NEK6: variants seen among roughly 807,000 people sequenced by gnomAD.
NEK6 encodes the protein NIMA related kinase 6, also known as serine/threonine-protein kinase Nek6.
In NEK6, 27 loss-of-function variants were observed where a neutral mutation model predicts 43.5. That is an observed-to-expected ratio of 0.62 (90% CI 0.46 to 0.86). NEK6 has a LOEUF of 0.86. Ranked by LOEUF, NEK6 falls within the 40% of genes least tolerant of loss-of-function variation. The pLI is 0.00. For synonymous variants in NEK6, 167 were observed against 164.1 expected (o/e 1.02, Z -0.14); for missense variants, 318 against 414.4 (o/e 0.77, Z 2.02).
rs776507491 is a variant in NEK6 at position 124,350,864 on chromosome 9, T to C, written c.859T>C (p.Cys287Arg). The C allele has an allele frequency of 1.9e-6, 3 of 1,612,868 alleles. No individual in the cohort carries two copies. Among genetic ancestry groups the C allele is most frequent in the South Asian group, 1.1e-5 (1 of 91,082 alleles). Reference protein sequence around the residue: ...KLRELVSMCICPDPHQRPDIG... With the variant: ...KLRELVSMCIRPDPHQRPDIG... ...ACGAGAACTGGTCAGCATGTGCATC[T>C]GCCCTGACCCCCACCAGAGACCTGA... Residue 287 changes from cysteine (C) to arginine (R), a missense_variant, in exon 10 of 10, where the codon TGC becomes CGC. Around this residue, in one of 2 missense-constraint regions of NEK6, gnomAD observed 79 missense variants for 70.0 expected, o/e 1.13. Coordinates refer to ENST00000320246, the MANE Select transcript of NEK6 (RefSeq NM_014397.6).
chr9:124,346,729 C>G (rs1388462093), intron 8 of NEK6, among the ~76,000 whole-genome samples: 1 of 152,138 alleles, frequency 6.6e-6, no homozygotes, highest in Non-Finnish European at 1.5e-5. Context: ...CTGCACACCC[C>G]CTTGAGGAGT....
intron 2 of NEK6, among the ~76,000 whole-genome samples, chr9:124,309,902 C>A (rs902692554): frequency 3.9e-5 from 6 of 152,212 alleles, no homozygotes; most frequent in African/African-American, 1.4e-4. Flanking sequence ...GCTCTGGGGT[C>A]AGAGCCTCAG....
intron 8 of NEK6, among the ~76,000 whole-genome samples, chr9:124,341,607 A>G (rs1433992167): frequency 6.6e-6 from 1 of 152,014 alleles, no homozygotes; most frequent in Non-Finnish European, 1.5e-5. Context: ...AGCCATGGCG[A>G]GTGTGTAGTG....
intron 8 of NEK6, among the ~76,000 whole-genome samples, chr9:124,347,056 G>A (rs1829968874): frequency 6.6e-6 from 1 of 152,204 alleles, no homozygotes; most frequent in Admixed American, 6.5e-5. Flanking sequence ...GGAGCCAGGC[G>A]CTTCCCTCCC....
In NEK6 at chr9:124,329,928, G is replaced by A. The variant is rs1182443554; in HGVS notation, c.622+2483G>A. 2.0e-5 allele frequency among the ~76,000 whole-genome samples: 3 copies of A among 152,256 alleles called. No homozygotes were observed. The East Asian group carries it at 5.8e-4, about 29-fold the overall frequency. The stretch of plus-strand genomic sequence containing the variant: ...CGCCCTGTGCGTGGGGATGAATTAT[G>A]CATCTGCCGCATCTCATGTGCACCT... On this transcript the variant is annotated intron_variant, in intron 7 of 9. Coordinates refer to ENST00000320246, the MANE Select transcript of NEK6 (RefSeq NM_014397.6).
intron 1 of NEK6, chr9:124,292,311 G>T (rs746705472): frequency 1.8e-4 from 246 of 1,405,618 alleles, no homozygotes; most frequent in Non-Finnish European, 2.2e-4. Context: ...ACTAGCCTGG[G>T]ACAGGGGTGG....
intron 5 of NEK6, among the ~76,000 whole-genome samples, chr9:124,322,360 C>G (rs1834110797): frequency 6.6e-6 from 1 of 152,210 alleles, no homozygotes; most frequent in South Asian, 2.1e-4. Flanking sequence ...ACCCAGGGCA[C>G]AGGGCGGAGT....
At chr9:124,279,781 C>T (rs1365346878) in intron 1 of NEK6, among the ~76,000 whole-genome samples, 2 of 152,342 alleles carry the variant, frequency 1.3e-5, no homozygotes, top group Admixed American at 6.5e-5. Flanking sequence ...TCCCTGGCTG[C>T]GTTTCCCTCA....
intron 1 of NEK6, among the ~76,000 whole-genome samples, chr9:124,268,355 G>T (rs1302394940): frequency 6.6e-6 from 1 of 152,124 alleles, no homozygotes; most frequent in Admixed American, 6.5e-5. Context: ...GATGTACCTG[G>T]CCTGGTGCTG....
intron 7 of NEK6, 116 bp from the exon 8 acceptor site, chr9:124,339,455 G>C: frequency 1.3e-6 from 1 of 747,536 alleles, no homozygotes; most frequent in Non-Finnish European, 2.4e-6. Context: ...GGGCTGCTCA[G>C]AGACCGAGGC....
intron 1 of NEK6, among the ~76,000 whole-genome samples, chr9:124,272,054 G>T (rs1199904408): frequency 6.6e-6 from 1 of 152,230 alleles, no homozygotes; most frequent in Non-Finnish European, 1.5e-5. Flanking sequence ...TCCTGTCTCT[G>T]GGGCAGTTTT....
At chr9:124,314,368 A>T (rs1474081883) in intron 4 of NEK6, among the ~76,000 whole-genome samples, 2 of 152,000 alleles carry the variant, frequency 1.3e-5, no homozygotes, top group African/African-American at 4.8e-5. Context: ...TCCAGACTGC[A>T]GCCTGTCTGG....
intron 1 of NEK6, among the ~76,000 whole-genome samples, chr9:124,269,892 C>G (rs1232148963): frequency 6.6e-6 from 1 of 152,184 alleles, no homozygotes; most frequent in East Asian, 1.9e-4. Flanking sequence ...CTCAGCCTCT[C>G]TCTCTCCCTG....
At chr9:124,310,680 C>T (rs1833485443) in intron 2 of NEK6, among the ~76,000 whole-genome samples, 1 of 152,218 alleles carries the variant, frequency 6.6e-6, no homozygotes, top group African/African-American at 2.4e-5. Context: ...CAACTGCAAC[C>T]TCCGCCTCCC....
chr9:124,258,209 G>A (rs1488172586), intron 1 of NEK6, 124 bp downstream of exon 1: 1 of 977,118 alleles, frequency 1.0e-6, no homozygotes, highest in African/African-American at 1.8e-5. Context: ...CGGCTCCGCG[G>A]GGGAGAGCGG....
intron 4 of NEK6, among the ~76,000 whole-genome samples, chr9:124,320,117 C>T (rs554386300): frequency 6.6e-6 from 1 of 152,360 alleles, no homozygotes; most frequent in South Asian, 2.1e-4. Context: ...TGGATATTCA[C>T]TGAGCCACAG....
chr9:124,325,296 T>C (rs1377985440), intron 5 of NEK6, among the ~76,000 whole-genome samples: 3 of 152,202 alleles, frequency 2.0e-5, no homozygotes, highest in African/African-American at 7.2e-5. Flanking sequence ...AAGATGGGCC[T>C]AGCCCTCCCT....
chr9:124,277,025 C>T (rs546568284), intron 1 of NEK6, among the ~76,000 whole-genome samples: 42 of 152,234 alleles, frequency 2.8e-4, no homozygotes, highest in African/African-American at 9.2e-4. Context: ...TCTGGTGGCG[C>T]GTGTGGAAAA....
rs555077914 is a variant in NEK6 at position 124,339,594 on chromosome 9, C to G, written c.646C>G (p.Pro216Ala). ...AGTGGGGACGCCCTACTACATGTCACCGGAGAGGATCCATGAGAACGGCTA... is the reference window on the plus strand; with the variant it reads ...AGTGGGGACGCCCTACTACATGTCAGCGGAGAGGATCCATGAGAACGGCTA... ...SLVGTPYYMS[P>A]ERIHENGYNF... Residue 216 changes from proline (P) to alanine (A), a missense_variant, in exon 8 of 10, where the codon CCG (proline) becomes GCG (alanine). Around this residue, in one of 2 missense-constraint regions of NEK6, gnomAD observed 239 missense variants for 344.4 expected, o/e 0.69. Coordinates refer to ENST00000320246, the MANE Select transcript of NEK6 (RefSeq NM_014397.6). The G allele has an allele frequency of 6.2e-7, 1 of 1,614,096 alleles. No individual in the cohort carries two copies. Among genetic ancestry groups the G allele is most frequent in the African/African-American group, 1.3e-5 (1 of 75,032 alleles).
Sources: allele counts gnomAD v4.1 joint callset (sites outside exome capture counted in the v4.1 genomes callset), GRCh38; gene constraint gnomAD v4.1.1; regional missense constraint gnomAD v4.1.1; transcripts MANE v1.5; gene names NCBI Gene and HGNC (gene_info 2026-07-23, HGNC 2026-07-21).